The following PTPRD variants were observed in gnomAD, a reference collection of about 807,000 sequenced individuals.
PTPRD encodes protein tyrosine phosphatase receptor type D.
In PTPRD, 34 loss-of-function variants were observed where a neutral mutation model predicts 214.5. That is an observed-to-expected ratio of 0.16 (90% confidence interval 0.12 to 0.21). The LOEUF is 0.21. PTPRD is among the 10% of genes least tolerant of loss of function. PTPRD has a pLI of 1.00. For synonymous variants in PTPRD, 1,128 were observed against 845.7 expected (o/e 1.33, Z -5.79); for missense variants, 2,545 against 2,398.7 (o/e 1.06, Z -1.27).
chr9:8,609,932 G>C (rs2095382140), intron 14 of PTPRD, among the ~76,000 whole-genome samples: 1 of 152,112 alleles, frequency 6.6e-6, no homozygotes, highest in Admixed American at 6.5e-5. Context: ...AATAAGACAA[G>C]ATTAGATTCA....
chr9:8,460,940 T>G (rs1421835173), intron 32 of PTPRD, among the ~76,000 whole-genome samples: 4 of 152,102 alleles, frequency 2.6e-5, no homozygotes, highest in African/African-American at 9.6e-5. Flanking sequence ...TGCCAAGGCG[T>G]TAGGTGCTGT....
chr9:8,325,335 T>G (rs929137917), intron 44 of PTPRD, among the ~76,000 whole-genome samples: 4 of 149,162 alleles, frequency 2.7e-5, no homozygotes, highest in Non-Finnish European at 5.9e-5. Flanking sequence ...CCAACACCAT[T>G]TATTAAATAG....
intron 11 of PTPRD, among the ~76,000 whole-genome samples, chr9:8,964,389 G>A (rs929266709): frequency 6.6e-6 from 1 of 151,176 alleles, no homozygotes; most frequent in Non-Finnish European, 1.5e-5. Flanking sequence ...TATTTCTGTG[G>A]GATCAGTTGT....
At chr9:9,814,174 C>G (rs1218782800) in intron 5 of PTPRD, among the ~76,000 whole-genome samples, 15 of 152,050 alleles carry the variant, frequency 9.9e-5, no homozygotes, top group African/African-American at 3.6e-4. Flanking sequence ...ATGTGACAAG[C>G]CAAAAGTAAA....
At chr9:8,686,114 C>T (rs2097676113) in intron 12 of PTPRD, among the ~76,000 whole-genome samples, 1 of 152,218 alleles carries the variant, frequency 6.6e-6, no homozygotes, top group South Asian at 2.1e-4. Flanking sequence ...CCTTGAACTT[C>T]TTTATCAAGT....
intron 5 of PTPRD, among the ~76,000 whole-genome samples, chr9:9,923,575 G>T (rs946181912): frequency 6.6e-6 from 1 of 151,764 alleles, no homozygotes; most frequent in African/African-American, 2.4e-5. Flanking sequence ...CAAAGAAAAA[G>T]CATACAACAA....
intron 11 of PTPRD, among the ~76,000 whole-genome samples, chr9:8,776,101 T>C (rs1461471642): frequency 6.6e-6 from 1 of 152,148 alleles, no homozygotes; most frequent in East Asian, 1.9e-4. Context: ...TCCCAGAGAC[T>C]ATCATAGAAT....
At chr9:8,879,001 A>G (rs1041131295) in intron 11 of PTPRD, among the ~76,000 whole-genome samples, 4 of 152,218 alleles carry the variant, frequency 2.6e-5, no homozygotes, top group African/African-American at 9.6e-5. Flanking sequence ...GGTCAGTAAC[A>G]TGAACTTTTA....
chr9:10,262,536 T>A (rs1264698721), intron 3 of PTPRD, among the ~76,000 whole-genome samples: 2 of 152,224 alleles, frequency 1.3e-5, no homozygotes, highest in Non-Finnish European at 2.9e-5. Context: ...ATACCATCCA[T>A]GTAGGATACA....
At chr9:9,260,642 G>A (rs970543271) in intron 9 of PTPRD, among the ~76,000 whole-genome samples, 1 of 151,682 alleles carries the variant, frequency 6.6e-6, no homozygotes, top group African/African-American at 2.4e-5. Context: ...TTGGCTTGAC[G>A]GCATTGTAAA....
At chr9:8,842,881 C>T (rs546144666) in intron 11 of PTPRD, among the ~76,000 whole-genome samples, 127 of 152,250 alleles carry the variant, frequency 8.3e-4, no homozygotes, top group Middle Eastern at 3.4e-3. Context: ...CCTCCTGCTC[C>T]GTCGGCCATC....
At chr9:9,557,138 T>A (rs979830607) in intron 8 of PTPRD, among the ~76,000 whole-genome samples, 7 of 152,252 alleles carry the variant, frequency 4.6e-5, no homozygotes, top group Non-Finnish European at 1.0e-4. Flanking sequence ...AAAACAAAAT[T>A]ATAGCTCCCG....
chr9:10,274,267 G>T (rs116534492), intron 3 of PTPRD, among the ~76,000 whole-genome samples: 85 of 152,220 alleles, frequency 5.6e-4, no homozygotes, highest in African/African-American at 2.0e-3. Flanking sequence ...GTGACATTGG[G>T]GAGAAATGAA....
intron 7 of PTPRD, among the ~76,000 whole-genome samples, chr9:9,728,028 C>G (rs1307636261): frequency 6.6e-6 from 1 of 152,104 alleles, no homozygotes; most frequent in Non-Finnish European, 1.5e-5. Flanking sequence ...CAGTTTCCCC[C>G]ATACAGTTCT....
At chr9:10,253,114 A>G (rs1324559128) in intron 3 of PTPRD, among the ~76,000 whole-genome samples, 2 of 152,214 alleles carry the variant, frequency 1.3e-5, no homozygotes, top group African/African-American at 4.8e-5. Flanking sequence ...CTAAATGAAT[A>G]GACCTTTTAA....
At chr9:8,337,043 TTCC>T (rs1847640651) in intron 43 of PTPRD, among the ~76,000 whole-genome samples, 1 of 152,170 alleles carries the variant, frequency 6.6e-6, no homozygotes, top group Non-Finnish European at 1.5e-5. Context: ...AGTTTGGTGA[TTCC>T]TCAAGGATCT....
intron 5 of PTPRD, among the ~76,000 whole-genome samples, chr9:9,878,622 C>A (rs979563642): frequency 1.3e-5 from 2 of 152,114 alleles, no homozygotes; most frequent in African/African-American, 4.8e-5. Flanking sequence ...GCGTACATTG[C>A]TGGATGAATG....
At chr9:9,315,833 CTT>C (rs566821610) in intron 9 of PTPRD, among the ~76,000 whole-genome samples, 12 of 93,322 alleles carry the variant, frequency 1.3e-4, no homozygotes, top group African/African-American at 3.2e-4. Context: ...TAGCAGACAA[CTT>C]TTTTTTTTTT....
At chr9:8,654,348 G>C (rs2096869299) in intron 12 of PTPRD, among the ~76,000 whole-genome samples, 1 of 152,076 alleles carries the variant, frequency 6.6e-6, no homozygotes, top group Non-Finnish European at 1.5e-5. Context: ...CTGCTAGACT[G>C]TGAGCCAACA....
Sources: allele counts gnomAD v4.1 joint callset (sites outside exome capture counted in the v4.1 genomes callset), GRCh38; gene constraint gnomAD v4.1.1; transcripts MANE v1.5; gene names NCBI Gene and HGNC (gene_info 2026-07-23, HGNC 2026-07-21).